SWT1: variants seen among roughly 807,000 people sequenced by gnomAD.
The protein encoded by SWT1 is SWT1 RNA endoribonuclease homolog.
SWT1 carries 33 observed loss-of-function variants against 107.3 expected under a neutral mutation model. The ratio of observed to expected loss-of-function variants is 0.31; its 90% confidence interval spans 0.23 to 0.41. The LOEUF (loss-of-function observed/expected upper bound fraction) is 0.41, where lower values mean the gene tolerates loss of function less well. Ranked by LOEUF, SWT1 falls within the 10% of genes least tolerant of loss-of-function variation. The pLI is 1.00. For missense variants in SWT1, 898 were observed against 1,028.9 expected (o/e 0.87, Z 1.74); for synonymous variants, 345 against 348.3 (o/e 0.99, Z 0.11).
At chr1:185,170,509 G>T (rs559408864) in intron 4 of SWT1, among the ~76,000 whole-genome samples, 1 of 152,102 alleles carries the variant, frequency 6.6e-6, no homozygotes, top group African/African-American at 2.4e-5. Context: ...ACTTCTTCGT[G>T]CCCCCATTCA....
intron 5 of SWT1, among the ~76,000 whole-genome samples, chr1:185,178,030 AAT>A (rs1558015979): frequency 6.6e-6 from 1 of 152,240 alleles, no homozygotes; most frequent in African/African-American, 2.4e-5. Context: ...AAGTAAAAAA[AAT>A]ATGATTGTAC....
chr1:185,284,221 ACTT>A (rs1315377691), intron 18 of SWT1, among the ~76,000 whole-genome samples: 1 of 152,164 alleles, frequency 6.6e-6, no homozygotes. Context: ...AAGAGGTTGA[ACTT>A]CTTTTCATGT....
intron 13 of SWT1, among the ~76,000 whole-genome samples, chr1:185,209,864 C>A (rs997308693): frequency 1.3e-5 from 2 of 152,210 alleles, no homozygotes; most frequent in African/African-American, 4.8e-5. Context: ...ATTCCTATTT[C>A]TCCACATCCT....
At chr1:185,231,815 G>A in intron 16 of SWT1, 107 bp downstream of exon 16, 1 of 748,174 alleles carries the variant, frequency 1.3e-6, no homozygotes, top group South Asian at 1.9e-5. Context: ...AATAGACCGT[G>A]GCACTTTATA....
At chr1:185,175,672 T>G (rs1312364203) in intron 5 of SWT1, among the ~76,000 whole-genome samples, 2 of 152,192 alleles carry the variant, frequency 1.3e-5, no homozygotes, top group Non-Finnish European at 2.9e-5. Context: ...GGATTCATAA[T>G]AGAAAGGAAT....
chr1:185,207,468 A>G (rs1658427360), intron 13 of SWT1, among the ~76,000 whole-genome samples: 2 of 152,230 alleles, frequency 1.3e-5, no homozygotes, highest in African/African-American at 4.8e-5. Flanking sequence ...AGGACTTGGA[A>G]AAAAGTTTAT....
intron 13 of SWT1, among the ~76,000 whole-genome samples, chr1:185,207,477 A>G (rs1658428581): frequency 1.3e-5 from 2 of 152,224 alleles, no homozygotes; most frequent in Admixed American, 1.3e-4. Flanking sequence ...AAAAAAGTTT[A>G]TCTGCTGTGA....
chr1:185,173,355 TC>T (rs1184806783), intron 4 of SWT1, among the ~76,000 whole-genome samples: 1 of 152,048 alleles, frequency 6.6e-6, no homozygotes, highest in Non-Finnish European at 1.5e-5. Context: ...ATCAGTGTTA[TC>T]CTTTGTTATT....
intron 1 of SWT1, 138 bp from the exon 2 acceptor site, chr1:185,160,695 C>G (rs1654065735): frequency 3.3e-6 from 2 of 602,774 alleles, no homozygotes; most frequent in Non-Finnish European, 5.5e-6. Flanking sequence ...GAGCGAGACT[C>G]CATCTCAAAA....
At chr1:185,223,953 A>G (rs538086554) in intron 15 of SWT1, among the ~76,000 whole-genome samples, 13 of 152,268 alleles carry the variant, frequency 8.5e-5, no homozygotes, top group African/African-American at 3.1e-4. Flanking sequence ...TGTATACACC[A>G]TGAAGTATTA....
At chr1:185,166,972 A>G (rs1571393748) in intron 3 of SWT1, among the ~76,000 whole-genome samples, 1 of 152,086 alleles carries the variant, frequency 6.6e-6, no homozygotes, top group Non-Finnish European at 1.5e-5. Flanking sequence ...CAGTGGTGCC[A>G]CCTTGGCTCA....
At chr1:185,208,733 G>A (rs1658526298) in intron 13 of SWT1, among the ~76,000 whole-genome samples, 1 of 145,440 alleles carries the variant, frequency 6.9e-6, no homozygotes, top group Non-Finnish European at 1.5e-5. Flanking sequence ...TTAGATGTTC[G>A]ATGAATATCT....
chr1:185,180,098 C>T (rs1352378549), intron 5 of SWT1, among the ~76,000 whole-genome samples: 4 of 152,074 alleles, frequency 2.6e-5, no homozygotes, highest in African/African-American at 9.7e-5. Flanking sequence ...GCGGGAGGAT[C>T]GCTTGAGTCC....
intron 13 of SWT1, among the ~76,000 whole-genome samples, chr1:185,214,088 G>A (rs1408027755): frequency 6.6e-6 from 1 of 152,076 alleles, no homozygotes; most frequent in Admixed American, 6.6e-5. Context: ...GATGACGAGA[G>A]GTACCATATA....
chr1:185,216,584 T>C (rs577350112), intron 14 of SWT1, among the ~76,000 whole-genome samples: 1 of 152,262 alleles, frequency 6.6e-6, no homozygotes, highest in South Asian at 2.1e-4. Flanking sequence ...CATGAAAATA[T>C]GATGTTAAAA....
At chr1:185,257,962 G>C (rs530937897) in intron 16 of SWT1, 2 of 152,054 alleles carry the variant, frequency 1.3e-5, no homozygotes, top group Non-Finnish European at 2.9e-5. Flanking sequence ...AAAGAAATCT[G>C]TTGTAACTGG....
chr1:185,174,602 G>A lies in SWT1; in HGVS notation c.455G>A (p.Ser152Asn). ...SKLDHGIKSLSSPKIASDVKP... is the reference protein window; with the variant it reads ...SKLDHGIKSLNSPKIASDVKP... The stretch of plus-strand genomic sequence containing the variant: ...CTTGACCATGGAATTAAAAGCCTTA[G>A]TAGTCCTAAGATTGCCAGTGATGTG... Residue 152 changes from serine (S) to asparagine (N), a missense_variant, in exon 5 of 19, where the codon AGT becomes AAT. Coordinates refer to ENST00000367500, the MANE Select transcript of SWT1 (RefSeq NM_017673.7). 11 of 1,610,490 alleles carry A rather than the reference G, an allele frequency of 6.8e-6. No individual in the cohort carries two copies. The highest frequency in any genetic ancestry group is 9.3e-6 in the Non-Finnish European group (11 of 1,179,182).
chr1:185,283,280 T>G (rs937453669), intron 18 of SWT1, among the ~76,000 whole-genome samples: 2 of 152,198 alleles, frequency 1.3e-5, no homozygotes, highest in African/African-American at 4.8e-5. Context: ...CAGCTGGTGT[T>G]TTCTCTTCTC....
intron 18 of SWT1, among the ~76,000 whole-genome samples, chr1:185,284,805 G>C (rs1269858840): frequency 6.6e-6 from 1 of 152,162 alleles, no homozygotes; most frequent in Non-Finnish European, 1.5e-5. Context: ...TTTAGCTCAA[G>C]GGGGAGTGAT....
Sources: allele counts gnomAD v4.1 joint callset (sites outside exome capture counted in the v4.1 genomes callset), GRCh38; gene constraint gnomAD v4.1.1; transcripts MANE v1.5; gene names NCBI Gene and HGNC (gene_info 2026-07-23, HGNC 2026-07-21).